Variants in IL1RAPL2 observed in about 807,000 individuals in gnomAD.
IL1RAPL2 encodes X-linked interleukin-1 receptor accessory protein-like 2.
In IL1RAPL2, 3 loss-of-function variants were observed where a neutral mutation model predicts 44.1. The ratio of observed to expected loss-of-function variants is 0.07; its 90% CI spans 0.03 to 0.18. IL1RAPL2 has a LOEUF of 0.18. IL1RAPL2 is among the 10% of genes least tolerant of loss of function. The pLI is 1.00. For missense variants in IL1RAPL2, 391 were observed against 496.4 expected, an observed-to-expected ratio of 0.79 and a Z score of 2.02; for synonymous variants, 181 against 178.8, an observed-to-expected ratio of 1.01 and a Z score of -0.10.
At chrX:104,862,542 CA>C (rs1433417039) in intron 2 of IL1RAPL2, among the ~76,000 whole-genome samples, 3 of 109,890 alleles carry the variant, frequency 2.7e-5, no homozygotes, top group Non-Finnish European at 3.8e-5. Flanking sequence ...ACCAACAAAC[CA>C]AAAAAAGAAG....
rs1385777995 is a variant in IL1RAPL2 at position 104,601,456 on chromosome X, T to C, written c.-20+34405T>C. On this transcript the variant is annotated intron_variant, in intron 1 of 10. Coordinates refer to ENST00000372582, the MANE Select transcript of IL1RAPL2 (RefSeq NM_017416.2). Reference sequence around the variant, plus strand: ...CAACTTTTGTTTTAGATTCAGGGGGTACATGTGCAGGTTTGTTACATGTGT... The same window carrying C: ...CAACTTTTGTTTTAGATTCAGGGGGCACATGTGCAGGTTTGTTACATGTGT... Among the ~76,000 whole-genome samples the C allele has an allele frequency of 2.7e-5, 3 of 111,663 alleles. No homozygotes were observed. In the Admixed American group the frequency reaches 2.8e-4, roughly 11 times the overall value.
chrX:105,307,601 ATT>A (rs1364940650), intron 5 of IL1RAPL2, among the ~76,000 whole-genome samples: 1 of 46,965 alleles, frequency 2.1e-5, no homozygotes, highest in Non-Finnish European at 3.2e-5. Context: ...TATTATATAT[ATT>A]ATATATAATA....
At chrX:104,670,792 CA>C (rs1930581992) in intron 2 of IL1RAPL2, among the ~76,000 whole-genome samples, 1 of 111,284 alleles carries the variant, frequency 9.0e-6, no homozygotes, top group Admixed American at 9.6e-5. Flanking sequence ...TAATTTCTTC[CA>C]GCCCTTCTAC....
intron 5 of IL1RAPL2, among the ~76,000 whole-genome samples, chrX:105,393,723 AG>A (rs1294749568): frequency 7.2e-5 from 8 of 111,833 alleles, no homozygotes; most frequent in African/African-American, 2.6e-4. Context: ...TGGTTTCCCT[AG>A]TTAAGAGAAA....
intron 6 of IL1RAPL2, among the ~76,000 whole-genome samples, chrX:105,589,231 G>A (rs373711313): frequency 3.6e-5 from 4 of 111,330 alleles, no homozygotes; most frequent in South Asian, 7.4e-4. Context: ...TTTTAATGGG[G>A]TAATTTTTTT....
intron 2 of IL1RAPL2, among the ~76,000 whole-genome samples, chrX:104,838,169 C>T (rs1219039866): frequency 9.0e-6 from 1 of 111,677 alleles, no homozygotes; most frequent in Admixed American, 9.6e-5. Context: ...GTGATGCCTC[C>T]AGCTTTGTTC....
chrX:104,585,358 A>AT (rs1928529329), intron 1 of IL1RAPL2, among the ~76,000 whole-genome samples: 90 of 25,842 alleles, frequency 3.5e-3, no homozygotes, highest in African/African-American at 4.3e-3. Flanking sequence ...TATATTATAT[A>AT]TATTATATAT....
In IL1RAPL2 at chrX:105,689,704, A is replaced by C. The variant is rs2038018794; in HGVS notation, c.773-27663A>C. On this transcript the variant is annotated intron_variant, in intron 6 of 10. Transcript: ENST00000372582. ...AACTAGAATTACCATTTGACCCAGC[A>C]ATCCCATTACTGGGTATATACCCAA... 2.7e-5 allele frequency among the ~76,000 whole-genome samples: 3 copies of C among 112,112 alleles called. No homozygotes were observed. The South Asian group carries it at 1.1e-3, about 41-fold the overall frequency.
chrX:105,284,004 A>G (rs1340577941), intron 5 of IL1RAPL2, among the ~76,000 whole-genome samples: 1 of 111,811 alleles, frequency 8.9e-6, no homozygotes, highest in Non-Finnish European at 1.9e-5. Context: ...TTTTTCTGCT[A>G]TATGGGGATG....
chrX:105,379,044 T>C (rs766647719), intron 5 of IL1RAPL2, among the ~76,000 whole-genome samples: 2 of 111,933 alleles, frequency 1.8e-5, no homozygotes, highest in South Asian at 3.7e-4. Context: ...TAATGATGTC[T>C]GAGGTCTTTT....
rs1399050218 is a variant in IL1RAPL2 at position 105,267,376 on chromosome X, T to C, written c.544-12T>C. The C allele has an allele frequency of 8.4e-7, 1 of 1,190,111 alleles. No homozygotes were observed. On this transcript the variant is annotated splice_polypyrimidine_tract_variant and intron_variant, in intron 4 of 10. Transcript: ENST00000372582. The stretch of plus-strand genomic sequence containing the variant: ...TCTATTTTTTGCTTACTTGCAAATA[T>C]TTTATCTGCAGGAATGCAAGCCAAA...
At chrX:105,668,966 G>T (rs970769501) in intron 6 of IL1RAPL2, among the ~76,000 whole-genome samples, 1 of 111,265 alleles carries the variant, frequency 9.0e-6, no homozygotes, top group Non-Finnish European at 1.9e-5. Flanking sequence ...GTCATGGCTC[G>T]AGTAAGAGGA....
At chrX:105,191,734 T>C (rs1337281395) in intron 2 of IL1RAPL2, among the ~76,000 whole-genome samples, 2 of 112,353 alleles carry the variant, frequency 1.8e-5, no homozygotes, top group Admixed American at 9.4e-5. Context: ...TTTATAATCA[T>C]ACTCACTGAT....
intron 6 of IL1RAPL2, among the ~76,000 whole-genome samples, chrX:105,662,324 A>C (rs953604638): frequency 3.4e-4 from 38 of 111,980 alleles, no homozygotes; most frequent in African/African-American, 1.2e-3. Flanking sequence ...TCCACATCTT[A>C]GACAGAACTC....
intron 2 of IL1RAPL2, among the ~76,000 whole-genome samples, chrX:104,751,162 C>G (rs972951793): frequency 6.3e-5 from 7 of 111,330 alleles, no homozygotes; most frequent in Non-Finnish European, 1.1e-4. Context: ...AGATTAATCA[C>G]TTTAACAGTA....
At chrX:104,674,731 C>T (rs746742651) in intron 2 of IL1RAPL2, among the ~76,000 whole-genome samples, 58 of 109,782 alleles carry the variant, frequency 5.3e-4, no homozygotes, top group African/African-American at 1.9e-3. Flanking sequence ...TGGTCCTGGA[C>T]TCTTTTTGGT....
chrX:105,046,841 G>GT (rs1411426744), intron 2 of IL1RAPL2, among the ~76,000 whole-genome samples: 3 of 74,312 alleles, frequency 4.0e-5, no homozygotes, highest in African/African-American at 1.3e-4. Context: ...TTTTTTGGGG[G>GT]GGTGCTAGAC....
intron 5 of IL1RAPL2, among the ~76,000 whole-genome samples, chrX:105,474,388 A>G (rs1306379393): frequency 8.9e-6 from 1 of 112,045 alleles, no homozygotes; most frequent in Non-Finnish European, 1.9e-5. Context: ...ATAAGATAAT[A>G]GTAAATATGT....
intron 1 of IL1RAPL2, among the ~76,000 whole-genome samples, chrX:104,590,084 G>A (rs992592379): frequency 8.1e-5 from 9 of 111,318 alleles, no homozygotes; most frequent in African/African-American, 1.6e-4. Context: ...TTACTCTGTC[G>A]CCCAGGCTGG....
Sources: allele counts gnomAD v4.1 joint callset (sites outside exome capture counted in the v4.1 genomes callset), GRCh38; gene constraint gnomAD v4.1.1; transcripts MANE v1.5; gene names NCBI Gene and HGNC (gene_info 2026-07-23, HGNC 2026-07-21).